Variants in GRM5 observed in about 807,000 individuals in gnomAD.
GRM5 encodes the protein metabotropic glutamate receptor 5.
GRM5 carries 19 observed loss-of-function variants against 83.1 expected under a neutral mutation model. The observed-to-expected ratio is 0.23, with a 90% confidence interval of 0.16 to 0.34. The LOEUF is 0.34. Ranked by LOEUF, GRM5 falls within the 10% of genes least tolerant of loss-of-function variation. The pLI is 1.00. For missense variants in GRM5, 1,160 were observed against 1,588.3 expected (o/e 0.73, Z 4.58); for synonymous variants, 675 against 633.6 (o/e 1.07, Z -0.98).
intron 2 of GRM5, among the ~76,000 whole-genome samples, chr11:88,940,442 G>C (rs1230945695): frequency 1.3e-5 from 2 of 148,786 alleles, no homozygotes; most frequent in African/African-American, 4.9e-5. Flanking sequence ...TAATGGGAAT[G>C]GTGATGGGAG....
rs563185309 is a variant in GRM5, at chr11:88,627,058, T to A, written c.1148-22094A>T. On this transcript the variant is annotated intron_variant, in intron 4 of 9. Transcript: ENST00000305447. ...ACTTAACACTATGTTAAATGCTTCA[T>A]AGGTACTATTCCATGTTCTTCTCAT... is the stretch of plus-strand genomic sequence containing the variant. Among the ~76,000 whole-genome samples, 7 of 152,360 alleles carry A rather than the reference T, an allele frequency of 4.6e-5. No homozygotes were observed. The South Asian group carries it at 1.4e-3, about 32-fold the overall frequency.
chr11:88,706,612 G>A (rs554481734), intron 3 of GRM5, among the ~76,000 whole-genome samples: 8 of 152,182 alleles, frequency 5.3e-5, no homozygotes, highest in African/African-American at 1.9e-4. Context: ...TATGAACCTG[G>A]ATGGATGGTC....
chr11:88,610,792 G>A lies in GRM5; in HGVS notation c.1148-5828C>T, dbSNP rs529549532. On this transcript the variant is annotated intron_variant, in intron 4 of 9. Transcript: ENST00000305447. ...TGAAGATAGTGGATATTCTTGTCTT[G>A]TTCCAATTCTCAGAAGGAATGCTTC... Among the ~76,000 whole-genome samples the A allele has an allele frequency of 7.2e-5, 11 of 152,274 alleles. No individual in the cohort carries two copies. The East Asian group carries it at 1.5e-3, about 21-fold the overall frequency.
chr11:88,822,626 A>G (rs1303940735), intron 3 of GRM5, among the ~76,000 whole-genome samples: 1 of 152,218 alleles, frequency 6.6e-6, no homozygotes, highest in African/African-American at 2.4e-5. Context: ...AAAGTGTGGC[A>G]GCACACAGGG....
chr11:88,781,415 C>T (rs1289078337), intron 3 of GRM5, among the ~76,000 whole-genome samples: 2 of 152,094 alleles, frequency 1.3e-5, no homozygotes, highest in Admixed American at 6.6e-5. Flanking sequence ...AGGTACACAT[C>T]TTTCATTTGT....
chr11:88,926,259 G>A (rs1018248576), intron 2 of GRM5, among the ~76,000 whole-genome samples: 9 of 152,204 alleles, frequency 5.9e-5, no homozygotes, highest in African/African-American at 1.9e-4. Context: ...GACTCCCCTG[G>A]ATGCTATTCT....
At chr11:88,789,402 G>A (rs1038774506) in intron 3 of GRM5, among the ~76,000 whole-genome samples, 1 of 152,096 alleles carries the variant, frequency 6.6e-6, no homozygotes, top group Non-Finnish European at 1.5e-5. Context: ...AACTTTAAGT[G>A]AAAATTTAAG....
intron 3 of GRM5, among the ~76,000 whole-genome samples, chr11:88,810,493 G>A (rs962734362): frequency 1.3e-5 from 2 of 152,038 alleles, no homozygotes; most frequent in African/African-American, 4.8e-5. Context: ...AGCAAGGTAT[G>A]GTGGGGCCCA....
At chr11:88,726,011 G>A (rs1171264115) in intron 3 of GRM5, among the ~76,000 whole-genome samples, 2 of 152,114 alleles carry the variant, frequency 1.3e-5, no homozygotes, top group African/African-American at 2.4e-5. Context: ...TTGCCAGCAA[G>A]GAAACAAAAC....
chr11:88,817,989 C>T (rs182144246), intron 3 of GRM5, among the ~76,000 whole-genome samples: 10 of 152,160 alleles, frequency 6.6e-5, no homozygotes, highest in Admixed American at 4.6e-4. Context: ...TAAGTACTCA[C>T]AGAATGCTTA....
intron 3 of GRM5, among the ~76,000 whole-genome samples, chr11:88,788,039 T>A (rs550530687): frequency 1.3e-5 from 2 of 152,256 alleles, no homozygotes; most frequent in African/African-American, 4.8e-5. Flanking sequence ...AATGGTTGTT[T>A]TATAAATGTT....
At chr11:88,608,454 T>C (rs1938220497) in intron 4 of GRM5, among the ~76,000 whole-genome samples, 1 of 152,080 alleles carries the variant, frequency 6.6e-6, no homozygotes, top group Non-Finnish European at 1.5e-5. Flanking sequence ...TATCTTATTA[T>C]CTTGCTTATT....
chr11:88,979,478 G>T (rs891489359), intron 2 of GRM5, among the ~76,000 whole-genome samples: 1 of 152,072 alleles, frequency 6.6e-6, no homozygotes. Flanking sequence ...TACGTTACAG[G>T]TATTACAAAA....
chr11:89,046,707 G>GA (rs1208758951), intron 2 of GRM5, among the ~76,000 whole-genome samples: 4 of 152,046 alleles, frequency 2.6e-5, no homozygotes, highest in Non-Finnish European at 4.4e-5. Context: ...GAATTCTTCT[G>GA]AAAAAATAGC....
chr11:88,624,618 G>A (rs918856680), intron 4 of GRM5, among the ~76,000 whole-genome samples: 1 of 152,148 alleles, frequency 6.6e-6, no homozygotes, highest in African/African-American at 2.4e-5. Flanking sequence ...GCAGTTTGAG[G>A]TTGCAGTGAG....
chr11:88,692,205 C>T (rs1249784417), intron 3 of GRM5, among the ~76,000 whole-genome samples: 1 of 152,168 alleles, frequency 6.6e-6, no homozygotes, highest in East Asian at 1.9e-4. Flanking sequence ...TTATTATAGA[C>T]TTTATCACTA....
At chr11:88,709,008 AT>A (rs909967387) in intron 3 of GRM5, among the ~76,000 whole-genome samples, 17 of 151,062 alleles carry the variant, frequency 1.1e-4, no homozygotes, top group Admixed American at 2.0e-4. Context: ...TGGTTAGCCC[AT>A]TTTTTTTTCA....
At chr11:88,802,935 A>G (rs1215980801) in intron 3 of GRM5, among the ~76,000 whole-genome samples, 1 of 151,012 alleles carries the variant, frequency 6.6e-6, no homozygotes, top group Non-Finnish European at 1.5e-5. Context: ...CTCATTCACA[A>G]TTGCTTCAAA....
In GRM5 at chr11:88,614,790, G is replaced by A. The variant is rs16914317; in HGVS notation, c.1148-9826C>T. Among the ~76,000 whole-genome samples, 585 of 152,276 alleles carry A rather than the reference G, an allele frequency of 3.8e-3. 2 individuals carry two copies. The highest frequency in any genetic ancestry group is 0.013 in the African/African-American group (548 of 41,546). ...TATAAAGAAACTAAGCTGTAGACAA[G>A]TGAAGTCGATTTTCCGTGGTCACTC... is the stretch of plus-strand genomic sequence containing the variant. On this transcript the variant is annotated intron_variant, in intron 4 of 9. Transcript: ENST00000305447.
Sources: gnomAD v4.1 joint callset for allele counts (sites outside exome capture counted in the v4.1 genomes callset) on GRCh38, gnomAD v4.1.1 for gene constraint, MANE v1.5 for transcripts, NCBI Gene and HGNC (gene_info 2026-07-23, HGNC 2026-07-21) for gene names.